The following UGT2A2 variants were observed in gnomAD, a reference collection of about 807,000 sequenced individuals.
UGT2A2 encodes the protein UDP glucuronosyltransferase family 2 member A2, also known as UDP-glucuronosyltransferase 2A2.
In UGT2A2, 60 loss-of-function variants were observed where a neutral mutation model predicts 50.7. That is an observed-to-expected ratio of 1.18 (90% CI 0.96 to 1.47). UGT2A2 has a LOEUF of 1.47. UGT2A2 is among the 40% of genes most tolerant of loss of function. UGT2A2 has a pLI of 0.00. For missense variants in UGT2A2, 762 were observed against 634.0 expected, an observed-to-expected ratio of 1.20 and a Z score of -2.17; for synonymous variants, 242 against 214.6, an observed-to-expected ratio of 1.13 and a Z score of -1.11.
chr4:69,597,389 A>G (rs1294003099), intron 2 of UGT2A2, among the ~76,000 whole-genome samples: 2 of 152,310 alleles, frequency 1.3e-5, no homozygotes, highest in East Asian at 1.9e-4. Context: ...TTGTCTGCCA[A>G]TAAAATTCCT....
chr4:69,616,135 G>A lies in UGT2A2; in HGVS notation c.743-16741C>T, dbSNP rs574226603. ...CCAGGCGCGGAAAGACAAATATGCCGTGTTTTCACTCACATGTGGAAGCTA... is the reference window on the plus strand; with the variant it reads ...CCAGGCGCGGAAAGACAAATATGCCATGTTTTCACTCACATGTGGAAGCTA... On this transcript the variant is annotated intron_variant, in intron 1 of 5. Transcript: ENST00000604629. Among the ~76,000 whole-genome samples, 18 of 151,962 alleles carry A rather than the reference G, an allele frequency of 1.2e-4. No individual in the cohort carries two copies. The East Asian group carries it at 1.7e-3, about 15-fold the overall frequency.
chr4:69,615,182 A>G (rs1388829632), intron 1 of UGT2A2, among the ~76,000 whole-genome samples: 4 of 152,024 alleles, frequency 2.6e-5, no homozygotes, highest in African/African-American at 4.8e-5. Context: ...CTCTCACCAT[A>G]CACAAAAATC....
chr4:69,634,284 C>T (rs1230710969), intron 1 of UGT2A2, among the ~76,000 whole-genome samples: 1 of 151,708 alleles, frequency 6.6e-6, no homozygotes, highest in Admixed American at 6.6e-5. Context: ...ACAACAACAA[C>T]AACAAAAACC....
intron 1 of UGT2A2, chr4:69,599,691 AAGAAAG>A (rs796961227): frequency 6.1e-4 from 118 of 193,588 alleles, no homozygotes; most frequent in East Asian, 2.0e-3. Context: ...GGTAGAAATA[AAGAAAG>A]AGAGAGAGAG....
chr4:69,606,601 G>C (rs140611429), intron 1 of UGT2A2, among the ~76,000 whole-genome samples: 24,642 of 135,280 alleles, frequency 0.18, 5,899 homozygotes, highest in Non-Finnish European at 0.22. Context: ...GGAAATAAAG[G>C]GTATTCAATT....
intron 2 of UGT2A2, 152 bp from the exon 3 acceptor site, chr4:69,596,533 A>G: frequency 1.7e-6 from 2 of 1,182,610 alleles, no homozygotes; most frequent in Non-Finnish European, 2.2e-6. Context: ...TAGTTTCTAT[A>G]TTTTTTTTTG....
At chr4:69,611,897 A>T (rs1379180580) in intron 1 of UGT2A2, among the ~76,000 whole-genome samples, 1 of 152,066 alleles carries the variant, frequency 6.6e-6, no homozygotes, top group Non-Finnish European at 1.5e-5. Context: ...CATAAGTTCA[A>T]CTCCCCAAAT....
chr4:69,635,828 C>CAACAAAAAAAAAAAAAAAAAAAAAAAAAA, intron 1 of UGT2A2: 1 of 49,134 alleles, frequency 2.0e-5, no homozygotes, highest in Non-Finnish European at 3.9e-5. Context: ...TCCACCTCAC[C>CAACAAAAAAAAAAAAAAAAAAAAAAAAAA]AAAAAAAAAA....
intron 1 of UGT2A2, among the ~76,000 whole-genome samples, chr4:69,627,858 A>G (rs2109949684): frequency 6.6e-6 from 1 of 152,098 alleles, no homozygotes; most frequent in Middle Eastern, 3.4e-3. Flanking sequence ...AGACAATATT[A>G]CAGGTTAAAA....
chr4:69,626,895 T>C (rs1395406355), intron 1 of UGT2A2, among the ~76,000 whole-genome samples: 1 of 151,832 alleles, frequency 6.6e-6, no homozygotes, highest in East Asian at 1.9e-4. Context: ...TCTTTTGAAA[T>C]GGCTCCATCA....
rs994301586 is a variant in UGT2A2 at position 69,589,537 on chromosome 4, G to T, written c.1446C>A (p.His482Gln). 15 of 1,613,954 alleles carry T rather than the reference G, an allele frequency of 9.3e-6. No homozygotes were observed. The highest frequency in any genetic ancestry group is 1.1e-5 in the Non-Finnish European group (13 of 1,179,986). ...TGAGGTCATGGGCTGCAACCCGAAGGTGCTTGGCTCCTTTGTGGCGCATGA... is the reference window on the plus strand; with the variant it reads ...TGAGGTCATGGGCTGCAACCCGAAGTTGCTTGGCTCCTTTGTGGCGCATGA... ...EFVMRHKGAK[H>Q]LRVAAHDLTW... Residue 482 changes from histidine (H) to glutamine (Q), a missense_variant, in exon 6 of 6, where the codon CAC becomes CAA. Coordinates refer to ENST00000604629, the MANE Select transcript of UGT2A2 (RefSeq NM_001105677.2).
chr4:69,599,069 T>A (rs549992117), intron 2 of UGT2A2, among the ~76,000 whole-genome samples, 177 bp downstream of exon 2: 4 of 152,184 alleles, frequency 2.6e-5, no homozygotes, highest in African/African-American at 9.6e-5. Flanking sequence ...ATTGTCAATG[T>A]AAAGTTCAAA....
At position 69,638,950 on chromosome 4, in the gene UGT2A2, T is replaced by C. The variant is rs201132679; in HGVS notation, c.691A>G (p.Ile231Val). Residue 231 changes from isoleucine (I) to valine (V), a missense_variant, in exon 1 of 6, where the codon ATA becomes GTA. Transcript: ENST00000604629. ...NTISYSLQDY[I>V]FQSYWGEWNS... is the part of the protein sequence containing the mutation. ...CATTCTCCCCAGTAGGACTGAAATATATAGTCTTGCAGAGAATAAGATATG... is the reference window on the plus strand; with the variant it reads ...CATTCTCCCCAGTAGGACTGAAATACATAGTCTTGCAGAGAATAAGATATG... 512 of 1,612,638 alleles carry C rather than the reference T, an allele frequency of 3.2e-4. 1 individual carries two copies. The African/African-American group carries it at 5.9e-3, about 19-fold the overall frequency.
chr4:69,597,801 T>C (rs1212915140), intron 2 of UGT2A2, among the ~76,000 whole-genome samples: 1 of 152,086 alleles, frequency 6.6e-6, no homozygotes, highest in East Asian at 1.9e-4. Context: ...TTTGACAGTC[T>C]CTTGTTGTTT....
chr4:69,606,577 A>G lies in UGT2A2; in HGVS notation c.743-7183T>C, dbSNP rs1719636723. On this transcript the variant is annotated intron_variant, in intron 1 of 5. Transcript: ENST00000604629. ...AGTGTTGGAAGTTCTGGCCAGTGCA[A>G]TCAGGCAGGAGAAGGAAATAAAGGG... 2.2e-5 allele frequency among the ~76,000 whole-genome samples: 3 copies of G among 136,376 alleles called. 1 individual carries two copies. The highest frequency in any genetic ancestry group is 8.9e-5 in the African/African-American group (3 of 33,550). The allele number at this position is 136,376 out of a possible 152,430, so 89.5% of individuals were successfully genotyped here.
rs909018003 is a variant in UGT2A2 at position 69,588,758 on chromosome 4, G to T, written c.*614C>A. Reference sequence around the variant, plus strand: ...TGTTGAAGAAAGGCAGGCAAGTTATGCCGTGATTTTCTAGATATGCTTAAT... The same window carrying T: ...TGTTGAAGAAAGGCAGGCAAGTTATTCCGTGATTTTCTAGATATGCTTAAT... On this transcript the variant is annotated 3_prime_UTR_variant, in exon 6 of 6. Transcript: ENST00000604629. The T allele has an allele frequency of 3.3e-5, 5 of 151,964 alleles. No individual in the cohort carries two copies. The highest frequency in any genetic ancestry group is 5.9e-5 in the Non-Finnish European group (4 of 67,982). The allele number at this position is 151,964 out of a possible 1,614,324, so 9.4% of individuals were successfully genotyped here.
At chr4:69,621,330 C>A (rs775857626) in intron 1 of UGT2A2, among the ~76,000 whole-genome samples, 2 of 151,784 alleles carry the variant, frequency 1.3e-5, no homozygotes, top group South Asian at 2.1e-4. Flanking sequence ...AAAAAGTGGG[C>A]AAAGGACATT....
intron 4 of UGT2A2, 83 bp downstream of exon 4, chr4:69,595,079 T>C (rs1577944326): frequency 1.3e-6 from 2 of 1,501,310 alleles, no homozygotes; most frequent in East Asian, 2.4e-5. Context: ...TTATTAAAAA[T>C]GTATTGAATT....
At chr4:69,626,006 C>T (rs1721035474) in intron 1 of UGT2A2, among the ~76,000 whole-genome samples, 1 of 151,482 alleles carries the variant, frequency 6.6e-6, no homozygotes, top group Non-Finnish European at 1.5e-5. Context: ...TTTTAGAGTA[C>T]TTGTCTACTA....
Sources: gnomAD v4.1 joint callset for allele counts (sites outside exome capture counted in the v4.1 genomes callset) on GRCh38, gnomAD v4.1.1 for gene constraint, MANE v1.5 for transcripts, NCBI Gene and HGNC (gene_info 2026-07-23, HGNC 2026-07-21) for gene names.